Variants in UBXN2A observed in about 807,000 individuals in gnomAD.
UBXN2A encodes UBX domain protein 2A, also known as UBX domain-containing protein 2A.
In UBXN2A, 28 loss-of-function variants were observed where a neutral mutation model predicts 28.4. The ratio of observed to expected loss-of-function variants is 0.99; its 90% CI spans 0.73 to 1.35. UBXN2A has a LOEUF of 1.35. UBXN2A is among the 40% of genes most tolerant of loss of function. The pLI is 0.00. For synonymous variants in UBXN2A, 97 were observed against 103.6 expected (o/e 0.94, Z 0.39); for missense variants, 253 against 297.9 (o/e 0.85, Z 1.11).
At chr2:23,960,847 C>T (rs1281211571) in intron 2 of UBXN2A, among the ~76,000 whole-genome samples, 1 of 152,118 alleles carries the variant, frequency 6.6e-6, no homozygotes, top group African/African-American at 2.4e-5. Flanking sequence ...ATTGGCCAGT[C>T]TGGTCTCAAA....
At chr2:23,970,202 T>G (rs1474511484) in intron 2 of UBXN2A, among the ~76,000 whole-genome samples, 6 of 152,102 alleles carry the variant, frequency 3.9e-5, no homozygotes, top group Non-Finnish European at 7.4e-5. Context: ...GAAGATTGGT[T>G]GAGCCCTGGA....
intron 6 of UBXN2A, among the ~76,000 whole-genome samples, chr2:23,998,775 G>C (rs1201027701): frequency 6.6e-6 from 1 of 151,968 alleles, no homozygotes; most frequent in African/African-American, 2.4e-5. Context: ...TTTCATCCAG[G>C]TTAGGGTACG....
Position 23,932,010 on chromosome 2 carries a change from C to CAAA in UBXN2A, c.-138+4405_-138+4407dup, listed in dbSNP as rs959769962. Among the ~76,000 whole-genome samples the CAAA allele has an allele frequency of 4.1e-3, 536 of 131,220 alleles. 2 individuals are homozygous for CAAA. Among genetic ancestry groups the CAAA allele is most frequent in the Non-Finnish European group, 7.3e-3 (450 of 61,248 alleles). 86.1% of individuals were successfully genotyped at this position (131,220 alleles called of 152,430 possible). ...TGGGTGACAGAGCGAGACTCCGTCT[C>CAAA]AAAAAAAAAAAAGAAAAAGAAAAAG... On this transcript the variant is annotated intron_variant, in intron 1 of 7. Transcript: ENST00000404924.
At chr2:23,938,526 C>T (rs978257708), upstream of UBXN2A, among the ~76,000 whole-genome samples, 2 of 150,814 alleles carry the variant, frequency 1.3e-5, no homozygotes, top group East Asian at 1.9e-4. Context: ...AAAGCAATCC[C>T]TGTCAAAATC....
intron 6 of UBXN2A, among the ~76,000 whole-genome samples, chr2:23,987,029 G>T (rs576417205): frequency 7.2e-4 from 109 of 152,076 alleles, no homozygotes; most frequent in African/African-American, 2.6e-3. Context: ...GGAGGTTGAG[G>T]CTGTGATGAG....
At chr2:23,991,866 A>G (rs1708367553) in intron 6 of UBXN2A, among the ~76,000 whole-genome samples, 1 of 152,060 alleles carries the variant, frequency 6.6e-6, no homozygotes, top group Non-Finnish European at 1.5e-5. Context: ...ATCTTGGCTC[A>G]TTGAAACCTC....
At chr2:23,983,366 G>A (rs1213857064) in intron 5 of UBXN2A, among the ~76,000 whole-genome samples, 1 of 151,996 alleles carries the variant, frequency 6.6e-6, no homozygotes, top group African/African-American at 2.4e-5. Flanking sequence ...AATTAGCCAG[G>A]CGTGGTGGCA....
At chr2:23,959,290 G>A (rs1279858056) in intron 2 of UBXN2A, among the ~76,000 whole-genome samples, 2 of 152,004 alleles carry the variant, frequency 1.3e-5, no homozygotes, top group South Asian at 2.1e-4. Context: ...TCAGGAGTTC[G>A]AGACCAGCCT....
chr2:23,949,204 C>T (rs937786361), intron 1 of UBXN2A, among the ~76,000 whole-genome samples: 4 of 149,732 alleles, frequency 2.7e-5, no homozygotes, highest in African/African-American at 4.9e-5. Flanking sequence ...TCAGGTGATC[C>T]GCCTGCCTTG....
chr2:23,973,456 A>G (rs577305021), intron 3 of UBXN2A, among the ~76,000 whole-genome samples: 40 of 149,730 alleles, frequency 2.7e-4, no homozygotes, highest in African/African-American at 9.9e-4. Flanking sequence ...CTCCTGCCTC[A>G]GCCTCCCGAG....
chr2:23,972,970 C>T (rs1299299190), intron 3 of UBXN2A, among the ~76,000 whole-genome samples: 1 of 152,072 alleles, frequency 6.6e-6, no homozygotes, highest in Non-Finnish European at 1.5e-5. Context: ...TATTTGAGAT[C>T]AATAAACTGT....
chr2:23,933,325 G>A (rs928202346), intron 1 of UBXN2A, among the ~76,000 whole-genome samples: 4 of 151,856 alleles, frequency 2.6e-5, no homozygotes, highest in South Asian at 2.1e-4. Context: ...TGACCAACAT[G>A]GAGAAACCCC....
rs189738594 is a variant in UBXN2A, at chr2:23,945,881, A to G, written c.-15+5233A>G. ...CACTCTGTCACCCAGGCTGAACTGG[A>G]GTACAGTGGCATGATCTCAGCTCAC... On this transcript the variant is annotated intron_variant, in intron 1 of 6. Coordinates refer to ENST00000309033, the MANE Select transcript of UBXN2A (RefSeq NM_181713.4). Among the ~76,000 whole-genome samples the G allele has an allele frequency of 5.0e-3, 733 of 146,214 alleles. 3 individuals carry two copies. The highest frequency in any genetic ancestry group is 0.018 in the African/African-American group (694 of 39,320).
chr2:23,962,756 C>T (rs1406846468), intron 2 of UBXN2A, among the ~76,000 whole-genome samples: 2 of 152,070 alleles, frequency 1.3e-5, no homozygotes, highest in Admixed American at 6.6e-5. Flanking sequence ...CAGGCATGTG[C>T]AACCACACCT....
At chr2:23,932,253 G>T (rs1199114535) in intron 1 of UBXN2A, among the ~76,000 whole-genome samples, 2 of 151,898 alleles carry the variant, frequency 1.3e-5, no homozygotes, top group Admixed American at 1.3e-4. Flanking sequence ...TGGAGGCAGA[G>T]GTTGCGGTGA....
Position 23,983,030 on chromosome 2 carries a change from G to C in UBXN2A, c.422G>C (p.Gly141Ala), listed in dbSNP as rs776930643. The change falls in exon 5 of 7, where the codon GGA becomes GCA. Residue 141 changes from glycine (G) to alanine (A), a missense_variant. By Grantham distance (60) the Gly-to-Ala change is moderately conservative (BLOSUM62 0). Transcript: ENST00000309033. ...QPFSGQGHRL[G>A]SATPKIVSKA... The stretch of plus-strand genomic sequence containing the variant: ...TTTTCAGGACAGGGTCACAGACTAG[G>C]AAGGTAAATATGCCTATTGTCTTGT... 3 of 1,595,426 alleles carry C rather than the reference G, an allele frequency of 1.9e-6. No individual in the cohort carries two copies. The highest frequency in any genetic ancestry group is 2.6e-6 in the Non-Finnish European group (3 of 1,171,904).
intron 2 of UBXN2A, among the ~76,000 whole-genome samples, chr2:23,968,451 C>A (rs1366345773): frequency 6.6e-6 from 1 of 151,938 alleles, no homozygotes; most frequent in African/African-American, 2.4e-5. Context: ...CTGAGGCAGG[C>A]GGATCACGAG....
In UBXN2A at chr2:23,973,652, T is replaced by G. The variant is rs567911243; in HGVS notation, c.180+2238T>G. 4.6e-5 allele frequency among the ~76,000 whole-genome samples: 7 copies of G among 151,398 alleles called. No homozygotes were observed. In the South Asian group the frequency reaches 1.5e-3, roughly 32 times the overall value. On this transcript the variant is annotated intron_variant, in intron 3 of 6. Transcript: ENST00000309033. ...ACTGTGTCCAGCCTTTTTTTTTTTT[T>G]GAGATGGAGTCTTGCTCTGTCACTC...
rs189970371 is a variant in UBXN2A at position 24,002,353 on chromosome 2, C to G, written c.*2486C>G. ...TCAGGAGGCAGAGGTTGCAGTGAGCCGAGATTGCGCCACTGCACTCTAGCT... is the reference window on the plus strand; with the variant it reads ...TCAGGAGGCAGAGGTTGCAGTGAGCGGAGATTGCGCCACTGCACTCTAGCT... On this transcript the variant is annotated 3_prime_UTR_variant, in exon 7 of 7. Transcript: ENST00000309033. 2.0e-5 allele frequency: 3 copies of G among 151,964 alleles called. No individual in the cohort carries two copies. Among genetic ancestry groups the G allele is most frequent in the Admixed American group, 2.0e-4 (3 of 15,252 alleles). 9.4% of individuals were successfully genotyped at this position (151,964 alleles called of 1,614,324 possible).
Sources: gnomAD v4.1 joint callset for allele counts (sites outside exome capture counted in the v4.1 genomes callset) on GRCh38, gnomAD v4.1.1 for gene constraint, MANE v1.5 for transcripts, NCBI Gene and HGNC (gene_info 2026-07-23, HGNC 2026-07-21) for gene names.